Variants in CNOT6L observed in about 807,000 individuals in gnomAD.
CNOT6L encodes the protein CCR4-NOT transcription complex subunit 6 like.
CNOT6L carries 7 observed loss-of-function variants against 64.0 expected under a neutral mutation model. That is an observed-to-expected ratio of 0.11 (90% confidence interval 0.06 to 0.21). CNOT6L has a LOEUF of 0.21. CNOT6L is among the 10% of genes least tolerant of loss of function. The pLI is 1.00. For synonymous variants in CNOT6L, 193 were observed against 243.4 expected (o/e 0.79, Z 1.93); for missense variants, 245 against 669.0 (o/e 0.37, Z 6.99).
At chr4:77,795,211 G>A (rs370977129) in intron 1 of CNOT6L, among the ~76,000 whole-genome samples, 7 of 151,876 alleles carry the variant, frequency 4.6e-5, no homozygotes, top group African/African-American at 1.7e-4. Context: ...TAGAGACGGG[G>A]TTTCTCCATG....
intron 8 of CNOT6L, among the ~76,000 whole-genome samples, chr4:77,741,215 G>A (rs1723549282): frequency 6.6e-6 from 1 of 152,130 alleles, no homozygotes; most frequent in African/African-American, 2.4e-5. Flanking sequence ...GGAAAAGACA[G>A]GAAAGTAGGC....
intron 1 of CNOT6L, among the ~76,000 whole-genome samples, chr4:77,807,353 C>T (rs10856982): frequency 0.79 from 118,030 of 149,570 alleles, 47,427 homozygotes; most frequent in Non-Finnish European, 0.86. Flanking sequence ...AAGGTCAGCC[C>T]GGGCAACATA....
intron 1 of CNOT6L, among the ~76,000 whole-genome samples, chr4:77,818,076 T>C (rs949225824): frequency 3.3e-5 from 5 of 152,186 alleles, no homozygotes; most frequent in African/African-American, 9.7e-5. Flanking sequence ...ACAACAGAGG[T>C]TGCTTGATCT....
chr4:77,811,328 T>C (rs1732911172), intron 1 of CNOT6L, among the ~76,000 whole-genome samples: 1 of 152,060 alleles, frequency 6.6e-6, no homozygotes, highest in South Asian at 2.1e-4. Context: ...GGCGGGCAGA[T>C]CACAAGGTCA....
Position 77,716,052 on chromosome 4 carries a change from C to G in CNOT6L, c.*4379G>C, listed in dbSNP as rs1720716695. On this transcript the variant is annotated 3_prime_UTR_variant, in exon 12 of 12. Coordinates refer to ENST00000504123, the MANE Select transcript of CNOT6L (RefSeq NM_144571.3). ...TTCTCTACCTACAATTCACACAGTT[C>G]TCCAAACATGGTATGACTCAAAGGG... 1 of 152,166 alleles carries G rather than the reference C, an allele frequency of 6.6e-6. No homozygotes were observed. The highest frequency in any genetic ancestry group is 2.4e-5 in the African/African-American group (1 of 41,414). 9.4% of individuals were successfully genotyped at this position (152,166 alleles called of 1,614,324 possible).
In CNOT6L at chr4:77,714,316, C is replaced by A. The variant is rs1720497752; in HGVS notation, c.*6115G>T. On this transcript the variant is annotated 3_prime_UTR_variant, in exon 12 of 12. Coordinates refer to ENST00000504123, the MANE Select transcript of CNOT6L (RefSeq NM_144571.3). Reference sequence around the variant, plus strand: ...GTGGAAAAGTAGATTGTCCCATGGACAATTAGTTGGCACTTGTTATATAGT... The same window carrying A: ...GTGGAAAAGTAGATTGTCCCATGGAAAATTAGTTGGCACTTGTTATATAGT... 1 of 151,570 alleles carries A rather than the reference C, an allele frequency of 6.6e-6. No homozygotes were observed. The highest frequency in any genetic ancestry group is 2.4e-5 in the African/African-American group (1 of 41,008). 9.4% of individuals were successfully genotyped at this position (151,570 alleles called of 1,614,324 possible).
At position 77,744,709 on chromosome 4, in the gene CNOT6L, T is replaced by C. The variant is rs748377498; in HGVS notation, c.717+9A>G. 3 of 1,600,678 alleles carry C rather than the reference T, an allele frequency of 1.9e-6. No homozygotes were observed. Among genetic ancestry groups the C allele is most frequent in the East Asian group, 2.2e-5 (1 of 44,650 alleles). ...TAAGTTAAAGACAGTTTAATTTCTATGGTGTTACCTGAAGACTAATGATAT... is the reference window on the plus strand; with the variant it reads ...TAAGTTAAAGACAGTTTAATTTCTACGGTGTTACCTGAAGACTAATGATAT... On this transcript the variant is annotated intron_variant, in intron 7 of 11. Coordinates refer to ENST00000504123, the MANE Select transcript of CNOT6L (RefSeq NM_144571.3).
chr4:77,754,463 A>G (rs1374415731), intron 5 of CNOT6L, among the ~76,000 whole-genome samples: 2 of 152,318 alleles, frequency 1.3e-5, no homozygotes, highest in South Asian at 4.1e-4. Flanking sequence ...TGTTGTAAAC[A>G]TATCAATTAT....
intron 7 of CNOT6L, among the ~76,000 whole-genome samples, chr4:77,744,507 A>G (rs554308950): frequency 6.6e-6 from 1 of 152,364 alleles, no homozygotes; most frequent in Non-Finnish European, 1.5e-5. Flanking sequence ...GTAAATAAAT[A>G]TAAGTAGGTG....
chr4:77,750,663 T>A (rs577557734), intron 5 of CNOT6L, among the ~76,000 whole-genome samples: 4 of 152,240 alleles, frequency 2.6e-5, no homozygotes, highest in African/African-American at 4.8e-5. Context: ...TAAAGTCAGG[T>A]TTTTTAAAGA....
Position 77,774,513 on chromosome 4 carries a change from CT to C in CNOT6L, c.314+16del. 3 of 1,573,256 alleles carry C rather than the reference CT, an allele frequency of 1.9e-6. No individual in the cohort carries two copies. Among genetic ancestry groups the C allele is most frequent in the Non-Finnish European group, 2.6e-6 (3 of 1,161,042 alleles). On this transcript the variant is annotated intron_variant, in intron 3 of 11. Coordinates refer to ENST00000504123, the MANE Select transcript of CNOT6L (RefSeq NM_144571.3). ...TAGAATTTTATATAGTGAGTCATGTCTGTTTTATTTCCTCACCTGAGAGACA... is the reference window on the plus strand; with the variant it reads ...TAGAATTTTATATAGTGAGTCATGTCGTTTTATTTCCTCACCTGAGAGACA...
At chr4:77,794,683 T>C (rs775607193) in intron 1 of CNOT6L, among the ~76,000 whole-genome samples, 4 of 152,226 alleles carry the variant, frequency 2.6e-5, no homozygotes, top group Admixed American at 6.5e-5. Flanking sequence ...GGTGAAATTC[T>C]GAATGCTTTT....
intron 1 of CNOT6L, among the ~76,000 whole-genome samples, chr4:77,786,335 G>A (rs1474684921): frequency 6.6e-6 from 1 of 151,784 alleles, no homozygotes; most frequent in Non-Finnish European, 1.5e-5. Context: ...TGAGGATGCT[G>A]AGCATAGTGG....
At chr4:77,773,265 T>G in intron 3 of CNOT6L, 99 bp from the exon 4 acceptor site, 1 of 678,280 alleles carries the variant, frequency 1.5e-6, no homozygotes, top group Non-Finnish European at 2.4e-6. Context: ...CTATGAGTGA[T>G]TGTTTATATT....
intron 4 of CNOT6L, among the ~76,000 whole-genome samples, chr4:77,763,388 G>GA (rs970184920): frequency 1.6e-4 from 25 of 152,022 alleles, no homozygotes; most frequent in African/African-American, 5.8e-4. Context: ...CAGACTATAA[G>GA]AAAAAATCCT....
At chr4:77,765,057 C>T (rs376525457) in intron 4 of CNOT6L, among the ~76,000 whole-genome samples, 179 of 152,256 alleles carry the variant, frequency 1.2e-3, no homozygotes, top group African/African-American at 4.2e-3. Flanking sequence ...GTCATAAAGA[C>T]TTCGCTGGTA....
chr4:77,804,811 T>C (rs1732031786), intron 1 of CNOT6L, among the ~76,000 whole-genome samples: 1 of 152,150 alleles, frequency 6.6e-6, no homozygotes, highest in Non-Finnish European at 1.5e-5. Flanking sequence ...GGTGTATTTA[T>C]TAATGAAAAA....
At position 77,803,277 on chromosome 4, in the gene CNOT6L, G is replaced by A. The variant is rs988720581; in HGVS notation, c.5+16027C>T. Among the ~76,000 whole-genome samples the A allele has an allele frequency of 2.6e-5, 4 of 152,134 alleles. No homozygotes were observed. The South Asian group carries it at 8.3e-4, about 32-fold the overall frequency. ...AAATTCCAAAATTTAAAATATGTAT[G>A]ACTTTTTGTTATTAAAATGACAAAA... On this transcript the variant is annotated intron_variant, in intron 1 of 11. Coordinates refer to ENST00000504123, the MANE Select transcript of CNOT6L (RefSeq NM_144571.3).
chr4:77,741,907 A>G (rs1723641304), intron 8 of CNOT6L, among the ~76,000 whole-genome samples: 2 of 152,184 alleles, frequency 1.3e-5, no homozygotes, highest in Admixed American at 1.3e-4. Context: ...TCAAGTCTGT[A>G]TCTCTTAAAA....
Sources: gnomAD v4.1 joint callset for allele counts (sites outside exome capture counted in the v4.1 genomes callset) on GRCh38, gnomAD v4.1.1 for gene constraint, MANE v1.5 for transcripts, NCBI Gene and HGNC (gene_info 2026-07-23, HGNC 2026-07-21) for gene names.